Variants in ANXA1 observed in about 807,000 individuals in gnomAD.
The protein encoded by ANXA1 is annexin A1, also known as annexin I (lipocortin I).
In ANXA1, 39 loss-of-function variants were observed where a neutral mutation model predicts 47.9. The observed-to-expected ratio is 0.81, with a 90% CI of 0.63 to 1.06. The LOEUF is 1.06. Among genes scored for constraint, ANXA1 ranks in the 50% least tolerant of loss-of-function variants. The probability of loss-of-function intolerance (pLI) is 0.00; values close to 1 mark genes in which losing one functional copy is unlikely to be tolerated. For synonymous variants in ANXA1, 146 were observed against 142.5 expected (o/e 1.02, Z -0.17); for missense variants, 446 against 422.7 (o/e 1.06, Z -0.48).
chr9:73,156,175 T>A (rs529063943), intron 1 of ANXA1, among the ~76,000 whole-genome samples: 86 of 146,484 alleles, frequency 5.9e-4, no homozygotes, highest in South Asian at 3.8e-3. Flanking sequence ...ATAAATAAAA[T>A]AAATAAATAA....
chr9:73,168,123 C>A (rs1179021156), intron 11 of ANXA1: 1 of 152,124 alleles, frequency 6.6e-6, no homozygotes, highest in Non-Finnish European at 1.5e-5. Flanking sequence ...ATGAAGTTAT[C>A]TTCCTTTTTT....
intron 1 of ANXA1, among the ~76,000 whole-genome samples, chr9:73,152,686 C>T (rs1232952507): frequency 6.6e-6 from 1 of 152,086 alleles, no homozygotes; most frequent in Non-Finnish European, 1.5e-5. Flanking sequence ...GTGAGGCCCT[C>T]CAACAGCTAT....
intron 5 of ANXA1, 39 bp from the exon 6 acceptor site, chr9:73,160,764 T>A (rs760239228): frequency 9.2e-6 from 14 of 1,515,260 alleles, no homozygotes; most frequent in Non-Finnish European, 1.2e-5. Context: ...GCATGAAGAT[T>A]TTTTTCTACA....
rs556256496 is a variant in ANXA1 at position 73,165,174 on chromosome 9, T to A, written c.671T>A (p.Ile224Asn). ...KGTDVNVFNTILTTRSYPQLR... is the reference protein window; with the variant it reads ...KGTDVNVFNTNLTTRSYPQLR... ...ACAGACGTAAACGTGTTCAATACCA[T>A]CCTTACCACCAGAAGCTATCCACAA... The change falls in exon 9 of 13, where the codon ATC becomes AAC. Residue 224 changes from isoleucine to asparagine, a missense_variant. By Grantham distance (149) the Ile-to-Asn change is moderately radical. Transcript: ENST00000257497. 2 of 1,612,804 alleles carry A rather than the reference T, an allele frequency of 1.2e-6. No individual in the cohort carries two copies. The highest frequency in any genetic ancestry group is 1.3e-5 in the African/African-American group (1 of 74,972).
At chr9:73,165,828 A>G (rs1165987274) in intron 9 of ANXA1, among the ~76,000 whole-genome samples, 2 of 152,144 alleles carry the variant, frequency 1.3e-5, no homozygotes, top group African/African-American at 2.4e-5. Flanking sequence ...AGGAAGTGCT[A>G]TAGTTGTCAA....
rs150501790 is a variant in ANXA1, at chr9:73,153,463, A to G, written c.-15+1539A>G. Among the ~76,000 whole-genome samples the G allele has an allele frequency of 3.5e-4, 54 of 152,350 alleles. No homozygotes were observed. The East Asian group carries it at 6.9e-3, about 20-fold the overall frequency. On this transcript the variant is annotated intron_variant, in intron 1 of 12. Coordinates refer to ENST00000257497, the MANE Select transcript of ANXA1 (RefSeq NM_000700.3). ...AATTTATATAATGCCTTCCTTCATT[A>G]TGCTAATTTTCTTCATCTTCATCTA...
Position 73,165,206 on chromosome 9 carries a change from A to G in ANXA1, c.703A>G (p.Arg235Gly), listed in dbSNP as rs767911003. 1 of 1,611,646 alleles carries G rather than the reference A, an allele frequency of 6.2e-7. No individual in the cohort carries two copies. The highest frequency in any genetic ancestry group is 2.2e-5 in the East Asian group (1 of 44,778). The change falls in exon 9 of 13, where the codon AGA becomes GGA. Residue 235 changes from arginine (R) to glycine (G), a missense_variant. Physicochemically the swap from Arg to Gly is moderately radical, Grantham distance 125. Coordinates refer to ENST00000257497, the MANE Select transcript of ANXA1 (RefSeq NM_000700.3). ...LTTRSYPQLRRVFQKYTKYSK... is the reference protein window; with the variant it reads ...LTTRSYPQLRGVFQKYTKYSK... ...CACCAGAAGCTATCCACAACTTCGC[A>G]GAGGTAACAATAAATTTCTTTTTCT... is the stretch of plus-strand genomic sequence containing the variant.
intron 7 of ANXA1, 91 bp downstream of exon 7, chr9:73,162,952 C>G: frequency 9.6e-7 from 1 of 1,038,300 alleles, no homozygotes; most frequent in Non-Finnish European, 1.4e-6. Context: ...ATATCTGAGG[C>G]TAGGTAATTT....
rs1452711134 is a variant in ANXA1, at chr9:73,166,341, TA to T, written c.802+153del. On this transcript the variant is annotated intron_variant, in intron 10 of 12. Transcript: ENST00000257497. ...TGCATCTGTTTCAATTGAAGCAACG[TA>T]AAAGATTGGCAAAGTACTATAACCT... 1.1e-4 allele frequency: 68 copies of T among 607,096 alleles called. No individual in the cohort carries two copies. In the East Asian group the frequency reaches 1.9e-3, roughly 17 times the overall value. The allele number at this position is 607,096 out of a possible 1,614,324, so 37.6% of individuals were successfully genotyped here. A position where few individuals can be genotyped will look rare whatever the true frequency, so the allele number is the denominator to read the frequency against.
At chr9:73,163,622 A>G in intron 8 of ANXA1, 90 bp downstream of exon 8, 1 of 1,335,386 alleles carries the variant, frequency 7.5e-7, no homozygotes, top group Non-Finnish European at 1.1e-6. Context: ...CAAATCTAAG[A>G]TCTTCTGAGA....
chr9:73,158,903 C>A (rs1051465552), intron 3 of ANXA1, 100 bp downstream of exon 3: 2 of 966,486 alleles, frequency 2.1e-6, no homozygotes, highest in Admixed American at 2.5e-5. Context: ...GAATCTGTTT[C>A]ATTTTGAAGA....
At chr9:73,153,396 T>G (rs952982289) in intron 1 of ANXA1, among the ~76,000 whole-genome samples, 3 of 152,184 alleles carry the variant, frequency 2.0e-5, no homozygotes, top group Admixed American at 2.0e-4. Flanking sequence ...TCCTTTTCCT[T>G]TAAAATTGGA....
At chr9:73,169,429 C>G (rs1227259867) in intron 12 of ANXA1, among the ~76,000 whole-genome samples, 3 of 151,974 alleles carry the variant, frequency 2.0e-5, no homozygotes, top group Non-Finnish European at 4.4e-5. Flanking sequence ...TAGTGTTCCC[C>G]CTAGGGTAGA....
At chr9:73,169,871 A>G (rs564011760) in intron 12 of ANXA1, among the ~76,000 whole-genome samples, 180 bp from the exon 13 acceptor site, 1 of 152,208 alleles carries the variant, frequency 6.6e-6, no homozygotes, top group East Asian at 1.9e-4. Flanking sequence ...CTTGAAGGCT[A>G]TTGCTTTTTT....
intron 4 of ANXA1, 102 bp from the exon 5 acceptor site, chr9:73,160,161 T>G: frequency 1.4e-6 from 1 of 693,168 alleles, no homozygotes; most frequent in South Asian, 2.3e-5. Context: ...ATGGTTGGGT[T>G]TAGGGATGAG....
Position 73,169,034 on chromosome 9 carries a change from T to C in ANXA1, c.864T>C (p.Gly288=). ...TTACCCTCATTTATTTTGGCCAGGGTGTTGGAACTCGCCATAAGGCATTGA... is the reference window on the plus strand; with the variant it reads ...TTACCCTCATTTATTTTGGCCAGGGCGTTGGAACTCGCCATAAGGCATTGA... ...FAEKLHQAMK[G]VGTRHKALIR... Residue 288 remains glycine, a splice_region_variant and synonymous_variant, in exon 12 of 13, where the codon GGT becomes GGC. Coordinates refer to ENST00000257497, the MANE Select transcript of ANXA1 (RefSeq NM_000700.3). 1 of 1,609,308 alleles carries C rather than the reference T, an allele frequency of 6.2e-7. No individual in the cohort carries two copies. Among genetic ancestry groups the C allele is most frequent in the South Asian group, 1.1e-5 (1 of 90,074 alleles).
chr9:73,157,794 C>A (rs1824072827), intron 1 of ANXA1: 1 of 151,978 alleles, frequency 6.6e-6, no homozygotes. Context: ...TATCTCTTAG[C>A]CATTCTCCAT....
In ANXA1 at chr9:73,162,803, A is replaced by G; in HGVS notation, c.497A>G (p.Lys166Arg). Residue 166 changes from lysine (K) to arginine (R), a missense_variant, in exon 7 of 13, where the codon AAA becomes AGA. By Grantham distance (26) the Lys-to-Arg change is conservative. Transcript: ENST00000257497. ...YREELKRDLA[K>R]DITSDTSGDF... is the part of the protein sequence containing the mutation. Reference sequence around the variant, plus strand: ...TCAGAACTGAAGAGAGATCTGGCCAAAGACATAACCTCAGACACATCTGGA... The same window carrying G: ...TCAGAACTGAAGAGAGATCTGGCCAGAGACATAACCTCAGACACATCTGGA... The G allele has an allele frequency of 6.2e-7, 1 of 1,613,142 alleles. No individual in the cohort carries two copies. The highest frequency in any genetic ancestry group is 8.5e-7 in the Non-Finnish European group (1 of 1,179,436).
chr9:73,156,897 A>G (rs905493532), intron 1 of ANXA1, among the ~76,000 whole-genome samples: 1 of 152,160 alleles, frequency 6.6e-6, no homozygotes, highest in African/African-American at 2.4e-5. Flanking sequence ...CCCAGACTAA[A>G]AGGATCTGTG....
Sources: gnomAD v4.1 joint callset for allele counts (sites outside exome capture counted in the v4.1 genomes callset) on GRCh38, gnomAD v4.1.1 for gene constraint, MANE v1.5 for transcripts, NCBI Gene and HGNC (gene_info 2026-07-23, HGNC 2026-07-21) for gene names.